ADGRD1: variants seen among roughly 807,000 people sequenced by gnomAD.
ADGRD1 encodes G-protein coupled receptor 133.
A neutral mutation model predicts 113.4 loss-of-function variants in ADGRD1; 77 were observed. The observed-to-expected ratio is 0.68, with a 90% CI of 0.57 to 0.82. ADGRD1 has a LOEUF of 0.82. ADGRD1 is among the 40% of genes least tolerant of loss of function. The pLI, the probability that ADGRD1 is intolerant of heterozygous loss-of-function variation, is 0.00. For synonymous variants in ADGRD1, 474 were observed against 475.0 expected, an observed-to-expected ratio of 1.00 and a Z score of 0.03; for missense variants, 1,036 against 1,139.1, an observed-to-expected ratio of 0.91 and a Z score of 1.30.
intron 20 of ADGRD1, chr12:131,122,083 C>T (rs1247655288): frequency 6.6e-6 from 1 of 152,460 alleles, no homozygotes; most frequent in Non-Finnish European, 1.5e-5. Context: ...TCTGAGGGCC[C>T]TGGCTGGTTG....
intron 12 of ADGRD1, among the ~76,000 whole-genome samples, chr12:131,006,362 A>G (rs992688848): frequency 2.6e-5 from 4 of 152,206 alleles, no homozygotes; most frequent in African/African-American, 9.7e-5. Context: ...TGTGTAATGG[A>G]AGACAACAGA....
chr12:130,992,534 C>T (rs1253629928), intron 8 of ADGRD1, 142 bp downstream of exon 8: 10 of 712,090 alleles, frequency 1.4e-5, no homozygotes, highest in East Asian at 7.8e-5. Flanking sequence ...TTCTCATGAA[C>T]AACCAGCTGG....
intron 2 of ADGRD1, among the ~76,000 whole-genome samples, chr12:130,963,349 A>AAAAATTC (rs1870629303): frequency 6.7e-6 from 1 of 149,700 alleles, no homozygotes; most frequent in African/African-American, 2.5e-5. Context: ...AAAAGAAAGA[A>AAAAATTC]AAATTCAAAT....
intron 13 of ADGRD1, among the ~76,000 whole-genome samples, chr12:131,032,339 G>A (rs1051558184): frequency 2.6e-5 from 4 of 151,778 alleles, no homozygotes; most frequent in South Asian, 2.1e-4. Flanking sequence ...GATCCTCCAC[G>A]AGCACGAATC....
intron 8 of ADGRD1, among the ~76,000 whole-genome samples, chr12:130,995,677 C>T (rs947963252): frequency 6.6e-6 from 1 of 152,102 alleles, no homozygotes; most frequent in Admixed American, 6.5e-5. Context: ...AAACCCCAGA[C>T]CTGGATTTTT....
intron 4 of ADGRD1, among the ~76,000 whole-genome samples, chr12:130,976,437 C>T (rs1247361789): frequency 6.6e-6 from 1 of 152,168 alleles, no homozygotes; most frequent in Non-Finnish European, 1.5e-5. Context: ...TGCAGGTTCC[C>T]AGGCCCCAAC....
At chr12:131,074,389 AG>A (rs1315901466) in intron 13 of ADGRD1, among the ~76,000 whole-genome samples, 1 of 152,202 alleles carries the variant, frequency 6.6e-6, no homozygotes, top group African/African-American at 2.4e-5. Flanking sequence ...AGGTTTCAGG[AG>A]GACGCTCAGG....
Position 131,057,258 on chromosome 12 carries a change from C to T in ADGRD1, c.1474-19543C>T, listed in dbSNP as rs1020962772. On this transcript the variant is annotated intron_variant, in intron 13 of 24. Transcript: ENST00000261654. This position sits in a 1 kb window ranked among gnomAD's most constrained non-coding sequence, Gnocchi z 4.2. ...TGTTTGAGAGAAGCTCTGTGCTTCA[C>T]CCCTGAAGCTGGGTTGGATGGCATC... Among the ~76,000 whole-genome samples, 3 of 152,158 alleles carry T rather than the reference C, an allele frequency of 2.0e-5. No homozygotes were observed. Among genetic ancestry groups the T allele is most frequent in the Non-Finnish European group, 4.4e-5 (3 of 68,038 alleles).
rs372341767 is a variant in ADGRD1, at chr12:130,984,492, T to C, written c.490+2429T>C. 5.3e-5 allele frequency among the ~76,000 whole-genome samples: 8 copies of C among 152,168 alleles called. No individual in the cohort carries two copies. Among genetic ancestry groups the C allele is most frequent in the African/African-American group, 1.9e-4 (8 of 41,432 alleles). ...ATAGATTTTATTTTTTAGAACAGTT[T>C]TAGATTCACAGAAAAATTGAGTGCA... On this transcript the variant is annotated intron_variant, in intron 5 of 24. Coordinates refer to ENST00000261654, the MANE Select transcript of ADGRD1 (RefSeq NM_198827.5). The surrounding 1 kb of genome is among the most constrained non-coding windows in gnomAD (Gnocchi z 4.1).
intron 13 of ADGRD1, among the ~76,000 whole-genome samples, chr12:131,044,979 T>C (rs1882529285): frequency 6.6e-6 from 1 of 152,272 alleles, no homozygotes; most frequent in Non-Finnish European, 1.5e-5. Flanking sequence ...TTGTTCCTCG[T>C]GCGTGGTGCT....
chr12:131,016,058 G>T (rs568255430), intron 13 of ADGRD1, among the ~76,000 whole-genome samples: 1 of 152,302 alleles, frequency 6.6e-6, no homozygotes, highest in Non-Finnish European at 1.5e-5. Flanking sequence ...CGTTCCCTGT[G>T]CCTGGTGGGC....
At chr12:131,112,455 A>G (rs1183720792) in intron 18 of ADGRD1, among the ~76,000 whole-genome samples, 3 of 152,198 alleles carry the variant, frequency 2.0e-5, no homozygotes, top group Non-Finnish European at 2.9e-5. Flanking sequence ...TTCTGACCCC[A>G]GGAAGGCTCT....
At chr12:130,955,919 G>A (rs1869522921) in intron 2 of ADGRD1, among the ~76,000 whole-genome samples, 1 of 152,202 alleles carries the variant, frequency 6.6e-6, no homozygotes, top group South Asian at 2.1e-4. Context: ...CTTCCAAGCA[G>A]CTGGGATTAC....
At chr12:130,969,876 C>T (rs1253255250) in intron 3 of ADGRD1, 1 of 152,050 alleles carries the variant, frequency 6.6e-6, no homozygotes, top group Non-Finnish European at 1.5e-5. Flanking sequence ...ACAAAACAGA[C>T]CCAAGATGAG....
rs1312110059 is a variant in ADGRD1 at position 131,113,433 on chromosome 12, T to A, written c.2041+4556T>A. Among the ~76,000 whole-genome samples, 1 of 152,122 alleles carries A rather than the reference T, an allele frequency of 6.6e-6. No homozygotes were observed. Among genetic ancestry groups the A allele is most frequent in the Non-Finnish European group, 1.5e-5 (1 of 68,008 alleles). On this transcript the variant is annotated intron_variant, in intron 18 of 24. Transcript: ENST00000261654. This position sits in a 1 kb window ranked among gnomAD's most constrained non-coding sequence, Gnocchi z 4.9. ...TGGAGGCTCTAGGTTGGGCTGTGCA[T>A]TGACACTTAGCATTCTCGCAGTTGT...
At position 131,078,586 on chromosome 12, in the gene ADGRD1, C is replaced by T. The variant is rs531259588; in HGVS notation, c.1547+1712C>T. ...TGGGATTTGGTAAGAACTAAATTGG[C>T]ATGTTGATTCTTATTTTTGAAGGAA... On this transcript the variant is annotated intron_variant, in intron 14 of 24. Coordinates refer to ENST00000261654, the MANE Select transcript of ADGRD1 (RefSeq NM_198827.5). Among the ~76,000 whole-genome samples the T allele has an allele frequency of 2.0e-5, 3 of 152,238 alleles. No individual in the cohort carries two copies. The East Asian group carries it at 5.8e-4, about 29-fold the overall frequency.
chr12:130,964,896 CTT>C (rs1341375410), intron 2 of ADGRD1, among the ~76,000 whole-genome samples: 1 of 152,060 alleles, frequency 6.6e-6, no homozygotes, highest in Non-Finnish European at 1.5e-5. Context: ...TCCAGATTTT[CTT>C]TCTTATTTTT....
In ADGRD1 at chr12:131,140,299, G is replaced by T. The variant is rs1951213301; in HGVS notation, c.*1036G>T. The T allele has an allele frequency of 6.6e-6, 1 of 152,240 alleles. No individual in the cohort carries two copies. Among genetic ancestry groups the T allele is most frequent in the South Asian group, 2.1e-4 (1 of 4,838 alleles). The allele number at this position is 152,240 out of a possible 1,614,324, so 9.4% of individuals were successfully genotyped here. A position where few individuals can be genotyped will look rare whatever the true frequency, so the allele number is the denominator to read the frequency against. On this transcript the variant is annotated 3_prime_UTR_variant, in exon 25 of 25. Coordinates refer to ENST00000261654, the MANE Select transcript of ADGRD1 (RefSeq NM_198827.5). ...AGTGCGCTCCGTCTGGTCACCATGAGACCGACCTGCGCTGAGTCCCCACTG... is the reference window on the plus strand; with the variant it reads ...AGTGCGCTCCGTCTGGTCACCATGATACCGACCTGCGCTGAGTCCCCACTG...
rs545207495 is a variant in ADGRD1, at chr12:131,121,716, G to C, written c.2175+803G>C. On this transcript the variant is annotated intron_variant, in intron 20 of 24. Coordinates refer to ENST00000261654, the MANE Select transcript of ADGRD1 (RefSeq NM_198827.5). ...TTTAAACACGGATGGGGATTTACAG[G>C]TTCCTGAGTCAGGACCATCTGTGGG... 1.4e-4 allele frequency among the ~76,000 whole-genome samples: 21 copies of C among 152,294 alleles called. 1 individual carries two copies. In the Middle Eastern group the frequency reaches 0.01, roughly 74 times the overall value.
Sources: gnomAD v4.1 joint callset for allele counts (sites outside exome capture counted in the v4.1 genomes callset) on GRCh38, gnomAD v4.1.1 for gene constraint, Gnocchi (gnomAD v3.1) non-coding constraint, MANE v1.5 for transcripts, NCBI Gene and HGNC (gene_info 2026-07-23, HGNC 2026-07-21) for gene names.